Variants in TESK2 observed in about 807,000 individuals in gnomAD.
TESK2 encodes the protein dual specificity testis-specific protein kinase 2.
TESK2 carries 39 observed loss-of-function variants against 57.1 expected under a neutral mutation model. That is an observed-to-expected ratio of 0.68 (90% confidence interval 0.53 to 0.89). TESK2 has a LOEUF of 0.89. TESK2 is among the 40% of genes least tolerant of loss of function. The pLI is 0.00. For missense variants in TESK2, 646 were observed against 732.1 expected (o/e 0.88, Z 1.36); for synonymous variants, 249 against 267.9 (o/e 0.93, Z 0.69).
chr1:45,432,468 G>A (rs1424154214), intron 2 of TESK2, among the ~76,000 whole-genome samples: 5 of 151,670 alleles, frequency 3.3e-5, no homozygotes, highest in Admixed American at 2.0e-4. Flanking sequence ...GAGGCGGGCA[G>A]ATCACAAGGT....
At chr1:45,359,927 T>C (rs1647606790) in intron 4 of TESK2, among the ~76,000 whole-genome samples, 1 of 152,122 alleles carries the variant, frequency 6.6e-6, no homozygotes, top group African/African-American at 2.4e-5. Flanking sequence ...TGTCATATAT[T>C]TTCTGATGTG....
intron 2 of TESK2, among the ~76,000 whole-genome samples, chr1:45,432,109 C>A (rs183178841): frequency 6.6e-6 from 1 of 151,964 alleles, no homozygotes; most frequent in East Asian, 2.0e-4. Context: ...GTTACCCAGG[C>A]ATGGTGGTGC....
intron 5 of TESK2, among the ~76,000 whole-genome samples, chr1:45,354,615 G>A (rs1263891426): frequency 6.7e-6 from 1 of 149,760 alleles, no homozygotes; most frequent in Non-Finnish European, 1.5e-5. Context: ...AATAAGAGTG[G>A]AAAAAAACAA....
intron 3 of TESK2, among the ~76,000 whole-genome samples, chr1:45,389,814 TA>T (rs1649064300): frequency 6.6e-6 from 1 of 152,244 alleles, no homozygotes; most frequent in African/African-American, 2.4e-5. Context: ...TTTTCAAGTA[TA>T]CTGTGTAGCA....
chr1:45,410,813 CTG>C (rs900541838), intron 3 of TESK2, among the ~76,000 whole-genome samples: 8 of 151,772 alleles, frequency 5.3e-5, no homozygotes, highest in African/African-American at 1.9e-4. Context: ...ATCACCCAGT[CTG>C]TGTTTCAGTG....
chr1:45,344,552 C>T lies in TESK2; in HGVS notation c.*288G>A, dbSNP rs1647110530. 2 of 393,940 alleles carry T rather than the reference C, an allele frequency of 5.1e-6. No homozygotes were observed. Among genetic ancestry groups the T allele is most frequent in the Non-Finnish European group, 9.3e-6 (2 of 215,006 alleles). The allele number at this position is 393,940 out of a possible 1,614,324, so 24.4% of individuals were successfully genotyped here. On this transcript the variant is annotated 3_prime_UTR_variant, in exon 11 of 11. Coordinates refer to ENST00000372086, the MANE Select transcript of TESK2 (RefSeq NM_007170.3). ...CCAGCTCAGCCTAGAACTAGACATC[C>T]TCTGGTCCTATCTGGGGAAGTACAC... is the stretch of plus-strand genomic sequence containing the variant.
At chr1:45,353,139 C>A (rs1647281335) in intron 5 of TESK2, among the ~76,000 whole-genome samples, 1 of 152,144 alleles carries the variant, frequency 6.6e-6, no homozygotes. Context: ...CTCAGGTGAT[C>A]TGCCCGCCTC....
intron 1 of TESK2, among the ~76,000 whole-genome samples, chr1:45,485,495 ACT>A (rs1653434185): frequency 2.1e-5 from 3 of 144,810 alleles, no homozygotes. Flanking sequence ...CCGACTTTTC[ACT>A]GTTATATAAA....
intron 2 of TESK2, among the ~76,000 whole-genome samples, chr1:45,436,458 C>G (rs1467742734): frequency 7.2e-5 from 9 of 124,478 alleles, no homozygotes; most frequent in African/African-American, 2.7e-4. Context: ...GTGCTGGGAT[C>G]ATGAGCCACC....
chr1:45,425,808 G>A (rs1268877249), intron 2 of TESK2, among the ~76,000 whole-genome samples: 1 of 151,798 alleles, frequency 6.6e-6, no homozygotes, highest in African/African-American at 2.4e-5. Flanking sequence ...ACTTTCTATG[G>A]AATCACAAAG....
intron 5 of TESK2, among the ~76,000 whole-genome samples, chr1:45,348,642 C>G (rs1056952513): frequency 2.6e-5 from 4 of 152,226 alleles, no homozygotes; most frequent in African/African-American, 9.7e-5. Context: ...TCCTTCAAGC[C>G]TTTGCCTTTG....
intron 4 of TESK2, among the ~76,000 whole-genome samples, chr1:45,371,132 G>A (rs920131694): frequency 2.0e-5 from 3 of 150,576 alleles, no homozygotes; most frequent in African/African-American, 4.9e-5. Flanking sequence ...TGGAGAAACT[G>A]GAACCCTTAT....
chr1:45,473,759 C>T (rs1652864311), intron 1 of TESK2, among the ~76,000 whole-genome samples: 1 of 151,512 alleles, frequency 6.6e-6, no homozygotes, highest in Admixed American at 6.6e-5. Context: ...TTGGCTAGAT[C>T]CTGATTTGAA....
At chr1:45,475,929 C>A (rs993429473) in intron 1 of TESK2, among the ~76,000 whole-genome samples, 3 of 152,196 alleles carry the variant, frequency 2.0e-5, no homozygotes, top group African/African-American at 7.2e-5. Context: ...TTGCCAGGGG[C>A]TCTCAGGCCT....
intron 1 of TESK2, among the ~76,000 whole-genome samples, chr1:45,490,176 G>T (rs761101556): frequency 6.6e-6 from 1 of 152,122 alleles, no homozygotes; most frequent in African/African-American, 2.4e-5. Flanking sequence ...AACCTTCAAC[G>T]GCTCCCCATG....
intron 2 of TESK2, among the ~76,000 whole-genome samples, chr1:45,442,854 C>G (rs973412453): frequency 6.6e-6 from 1 of 152,146 alleles, no homozygotes; most frequent in Non-Finnish European, 1.5e-5. Flanking sequence ...GGCGTGATCT[C>G]GGCTTACTGC....
chr1:45,466,372 G>A (rs1488382066), intron 1 of TESK2, among the ~76,000 whole-genome samples: 3 of 152,138 alleles, frequency 2.0e-5, no homozygotes, highest in Non-Finnish European at 4.4e-5. Flanking sequence ...CTACTCAGGA[G>A]GCTGAGGCAG....
chr1:45,458,114 A>G (rs1261433254), intron 1 of TESK2, among the ~76,000 whole-genome samples: 3 of 152,226 alleles, frequency 2.0e-5, no homozygotes, highest in Non-Finnish European at 2.9e-5. Flanking sequence ...CAAAATAACA[A>G]TGATAATATC....
At chr1:45,430,334 T>A (rs1481909950) in intron 2 of TESK2, among the ~76,000 whole-genome samples, 1 of 151,252 alleles carries the variant, frequency 6.6e-6, no homozygotes, top group African/African-American at 2.4e-5. Flanking sequence ...CAAAAAAAAA[T>A]ACAAAAATTA....
Sources: gnomAD v4.1 joint callset for allele counts (sites outside exome capture counted in the v4.1 genomes callset) on GRCh38, gnomAD v4.1.1 for gene constraint, MANE v1.5 for transcripts, NCBI Gene and HGNC (gene_info 2026-07-23, HGNC 2026-07-21) for gene names.